The following AGBL4 variants were observed in gnomAD, a reference collection of about 807,000 sequenced individuals.
AGBL4 encodes cytosolic carboxypeptidase 6.
In AGBL4, 58 loss-of-function variants were observed where a neutral mutation model predicts 66.4. The observed-to-expected ratio is 0.87, with a 90% CI of 0.71 to 1.09. AGBL4 has a LOEUF of 1.09. Ranked by LOEUF, AGBL4 falls within the 50% of genes least tolerant of loss-of-function variation. The pLI, the probability that AGBL4 is intolerant of heterozygous loss-of-function variation, is 0.00. For missense variants in AGBL4, 579 were observed against 631.0 expected, an observed-to-expected ratio of 0.92 and a Z score of 0.88; for synonymous variants, 234 against 222.9, an observed-to-expected ratio of 1.05 and a Z score of -0.44.
At chr1:49,610,729 C>T (rs1358446406) in intron 3 of AGBL4, among the ~76,000 whole-genome samples, 28 of 152,128 alleles carry the variant, frequency 1.8e-4, no homozygotes, top group Admixed American at 1.8e-3. Context: ...CTACTGGAAC[C>T]TTGAGCTTGG....
chr1:48,944,563 C>A (rs1656296262), intron 5 of AGBL4, among the ~76,000 whole-genome samples: 1 of 152,106 alleles, frequency 6.6e-6, no homozygotes, highest in Admixed American at 6.5e-5. Flanking sequence ...TCAAATCACT[C>A]AAGTAGCAAC....
At chr1:49,785,031 AT>A (rs1347084969) in intron 2 of AGBL4, among the ~76,000 whole-genome samples, 2 of 152,076 alleles carry the variant, frequency 1.3e-5, no homozygotes, top group African/African-American at 2.4e-5. Context: ...GTTTTGAAAA[AT>A]ATCTGTAAAG....
intron 3 of AGBL4, among the ~76,000 whole-genome samples, chr1:49,384,696 A>G (rs1644699325): frequency 6.6e-6 from 1 of 152,130 alleles, no homozygotes; most frequent in African/African-American, 2.4e-5. Flanking sequence ...AAACCACAAT[A>G]CCTATCATTT....
chr1:48,831,352 G>A (rs1239725326), intron 6 of AGBL4, among the ~76,000 whole-genome samples: 1 of 152,164 alleles, frequency 6.6e-6, no homozygotes, highest in Non-Finnish European at 1.5e-5. Context: ...CCATATCTGA[G>A]AGAGCCTCTT....
At chr1:49,251,268 C>A (rs1176462070) in intron 3 of AGBL4, among the ~76,000 whole-genome samples, 1 of 152,170 alleles carries the variant, frequency 6.6e-6, no homozygotes, top group African/African-American at 2.4e-5. Context: ...CCCCTCGGCC[C>A]AAGGCAACTC....
chr1:49,138,620 T>A (rs1377745658), intron 4 of AGBL4, among the ~76,000 whole-genome samples: 1 of 152,212 alleles, frequency 6.6e-6, no homozygotes, highest in African/African-American at 2.4e-5. Context: ...TTTCTGTGGC[T>A]CTGTTGGCCA....
In AGBL4 at chr1:49,511,291, T is replaced by C. The variant is rs1649219945; in HGVS notation, c.282+186022A>G. On this transcript the variant is annotated intron_variant, in intron 3 of 13. Transcript: ENST00000371839. ...TATGCAGCCATAAAAAATGATGAGT[T>C]CATGTCCTTTGTAGGGACACGGATG... is the stretch of plus-strand genomic sequence containing the variant. Among the ~76,000 whole-genome samples, 8 of 151,742 alleles carry C rather than the reference T, an allele frequency of 5.3e-5. No individual in the cohort carries two copies. The South Asian group carries it at 1.7e-3, about 32-fold the overall frequency.
chr1:48,693,553 A>T (rs925277621), intron 6 of AGBL4, among the ~76,000 whole-genome samples: 5 of 152,194 alleles, frequency 3.3e-5, no homozygotes, highest in African/African-American at 1.2e-4. Flanking sequence ...CTTTCGTGCA[A>T]GGCAGCCTGG....
downstream of AGBL4, among the ~76,000 whole-genome samples, chr1:48,528,521 TC>T (rs1324411514): frequency 1.3e-5 from 2 of 151,974 alleles, no homozygotes; most frequent in African/African-American, 4.8e-5. Flanking sequence ...AGTGTCGAGG[TC>T]TGGGGCTGAA....
intron 6 of AGBL4, among the ~76,000 whole-genome samples, chr1:48,831,275 C>G (rs2355687): frequency 0.071 from 10,742 of 152,138 alleles, 519 homozygotes; most frequent in East Asian, 0.16. Context: ...GAACTAAGTC[C>G]CTCTCCTCCA....
intron 2 of AGBL4, among the ~76,000 whole-genome samples, chr1:49,806,874 G>C (rs1644986881): frequency 6.6e-6 from 1 of 152,158 alleles, no homozygotes. Flanking sequence ...GACCACCCCA[G>C]GTTCAGCTCC....
In AGBL4 at chr1:48,534,022, A is replaced by G. The variant is rs1472813169; in HGVS notation, c.*151T>C. The G allele has an allele frequency of 2.4e-6, 3 of 1,259,440 alleles. 1 individual carries two copies. The highest frequency in any genetic ancestry group is 3.7e-4 in the Middle Eastern group (2 of 5,336). The allele number at this position is 1,259,440 out of a possible 1,614,324, so 78.0% of individuals were successfully genotyped here. A position where few individuals can be genotyped will look rare whatever the true frequency, so the allele number is the denominator to read the frequency against. ...TTTTCCATTGGAAAAAGGGAAAATC[A>G]GTGATGAAGTTTCTCATTGTATCCC... On this transcript the variant is annotated 3_prime_UTR_variant, in exon 14 of 14. Coordinates refer to ENST00000371839, the MANE Select transcript of AGBL4 (RefSeq NM_032785.4).
chr1:49,873,278 T>C (rs115189893), intron 1 of AGBL4, among the ~76,000 whole-genome samples: 2 of 152,116 alleles, frequency 1.3e-5, no homozygotes, highest in Non-Finnish European at 2.9e-5. Flanking sequence ...TATAATAACA[T>C]GGGATCTATC....
At chr1:49,717,644 T>C (rs915817966) in intron 2 of AGBL4, among the ~76,000 whole-genome samples, 7 of 152,090 alleles carry the variant, frequency 4.6e-5, no homozygotes, top group African/African-American at 1.7e-4. Context: ...AATTACTTAT[T>C]TACTATGACT....
chr1:48,664,337 A>C (rs1438087009), intron 6 of AGBL4, among the ~76,000 whole-genome samples: 1 of 152,218 alleles, frequency 6.6e-6, no homozygotes, highest in Non-Finnish European at 1.5e-5. Context: ...TGTGAACTGC[A>C]CAGTCCTTAG....
intron 2 of AGBL4, among the ~76,000 whole-genome samples, chr1:49,754,314 T>C (rs1264090890): frequency 4.6e-5 from 7 of 151,736 alleles, no homozygotes; most frequent in South Asian, 4.2e-4. Flanking sequence ...TTTATTATTA[T>C]ACTCTAAGTT....
intron 3 of AGBL4, among the ~76,000 whole-genome samples, chr1:49,316,546 A>G (rs561105458): frequency 1.1e-3 from 163 of 152,076 alleles, no homozygotes; most frequent in African/African-American, 3.8e-3. Flanking sequence ...AATTAAAGCA[A>G]CAAAAAACTA....
At chr1:49,660,215 T>A (rs972022453) in intron 3 of AGBL4, among the ~76,000 whole-genome samples, 10 of 152,012 alleles carry the variant, frequency 6.6e-5, no homozygotes, top group African/African-American at 1.2e-4. Context: ...CTGACAAAGA[T>A]CTGATATCTA....
chr1:49,153,258 A>G (rs1646372357), intron 4 of AGBL4, among the ~76,000 whole-genome samples: 1 of 152,142 alleles, frequency 6.6e-6, no homozygotes, highest in African/African-American at 2.4e-5. Context: ...CAGGCCTGCC[A>G]TTCTTCTTGC....
Sources: gnomAD v4.1 joint callset for allele counts (sites outside exome capture counted in the v4.1 genomes callset) on GRCh38, gnomAD v4.1.1 for gene constraint, MANE v1.5 for transcripts, NCBI Gene and HGNC (gene_info 2026-07-23, HGNC 2026-07-21) for gene names.